The following ADGRG6 variants were observed in gnomAD, a reference collection of about 807,000 sequenced individuals.
ADGRG6 encodes the protein adhesion G protein-coupled receptor G6, also known as G-protein coupled receptor 126.
Under a neutral mutation model 142.4 loss-of-function variants are expected in ADGRG6, and 84 were observed. The observed-to-expected ratio is 0.59, with a 90% CI of 0.49 to 0.71. ADGRG6 has a LOEUF of 0.71. ADGRG6 is among the 30% of genes least tolerant of loss of function. ADGRG6 has a pLI of 0.00. For missense variants in ADGRG6, 1,367 were observed against 1,466.6 expected (o/e 0.93, Z 1.11); for synonymous variants, 521 against 520.5 (o/e 1.00, Z -0.01).
chr6:142,340,111 A>G (rs74954184), intron 2 of ADGRG6, among the ~76,000 whole-genome samples: 1,799 of 152,238 alleles, frequency 0.012, 39 homozygotes, highest in African/African-American at 0.04. Flanking sequence ...GCACAGTAGA[A>G]ACCAGGCTCT....
At chr6:142,409,982 C>A in intron 17 of ADGRG6, 63 bp downstream of exon 17, 2 of 699,414 alleles carry the variant, frequency 2.9e-6, no homozygotes, top group South Asian at 2.0e-5. Context: ...CATTGTTAGA[C>A]ACCCCCATTT....
At chr6:142,332,885 G>C (rs1779127443) in intron 2 of ADGRG6, among the ~76,000 whole-genome samples, 1 of 152,180 alleles carries the variant, frequency 6.6e-6, no homozygotes, top group South Asian at 2.1e-4. Context: ...GCTTCTGTCA[G>C]ACGCCTGGAA....
chr6:142,309,978 A>C (rs931408651), intron 2 of ADGRG6, among the ~76,000 whole-genome samples: 9 of 151,896 alleles, frequency 5.9e-5, no homozygotes, highest in Admixed American at 2.0e-4. Context: ...CTACTGTTGA[A>C]TAAATATACA....
chr6:142,390,232 G>T (rs367683598), intron 6 of ADGRG6, 26 bp from the exon 7 acceptor site: 51 of 1,141,866 alleles, frequency 4.5e-5, no homozygotes, highest in Non-Finnish European at 6.1e-5. Context: ...TATAATTAAT[G>T]GACTAATCCT....
intron 4 of ADGRG6, among the ~76,000 whole-genome samples, chr6:142,377,931 CCA>C (rs1453117389): frequency 5.3e-5 from 8 of 151,960 alleles, no homozygotes; most frequent in Non-Finnish European, 7.4e-5. Context: ...TAAAAATATT[CCA>C]GTGTGATTTT....
chr6:142,370,586 A>G lies in ADGRG6; in HGVS notation c.862A>G (p.Asn288Asp), dbSNP rs567514249. The change falls in exon 4 of 25, where the codon AAT (asparagine) becomes GAT (aspartate). Residue 288 changes from asparagine to aspartate, a missense_variant. Physicochemically the swap from Asn to Asp is conservative, Grantham distance 23. Around this residue, in one of 3 missense-constraint regions of ADGRG6, gnomAD observed 737 missense variants for 746.5 expected, o/e 0.99. Transcript: ENST00000367609. ...DSTISKVIPG[N>D]GKLLLGSNQN... ...TACCATTAGTAAAGTTATTCCTGGGAATGGGAAATTGTTGTTGGGCTCCAA... is the reference window on the plus strand; with the variant it reads ...TACCATTAGTAAAGTTATTCCTGGGGATGGGAAATTGTTGTTGGGCTCCAA... 3.1e-6 allele frequency: 5 copies of G among 1,612,264 alleles called. 1 individual carries two copies. The East Asian group carries it at 8.9e-5, about 29-fold the overall frequency.
intron 8 of ADGRG6, among the ~76,000 whole-genome samples, chr6:142,393,612 T>C (rs1775020499): frequency 6.6e-6 from 1 of 152,140 alleles, no homozygotes; most frequent in African/African-American, 2.4e-5. Context: ...GGTGTCAAAT[T>C]GTCATATAAG....
intron 2 of ADGRG6, 102 bp from the exon 3 acceptor site, chr6:142,367,467 A>G: frequency 1.4e-6 from 1 of 708,260 alleles, no homozygotes; most frequent in Admixed American, 2.9e-5. Context: ...TGGTATTTTT[A>G]AATATTTACT....
intron 1 of ADGRG6, among the ~76,000 whole-genome samples, chr6:142,303,795 A>C (rs2114474114): frequency 6.6e-6 from 1 of 152,320 alleles, no homozygotes; most frequent in Non-Finnish European, 1.5e-5. Context: ...TGAAAGTATA[A>C]ATACCTGTTT....
intron 6 of ADGRG6, 132 bp downstream of exon 6, chr6:142,383,975 A>G (rs2114939334): frequency 1.7e-6 from 1 of 595,404 alleles, no homozygotes; most frequent in East Asian, 2.8e-5. Flanking sequence ...GGTTTACAAG[A>G]TTAGTAAAAT....
At chr6:142,308,933 T>C (rs1041922564) in intron 1 of ADGRG6, among the ~76,000 whole-genome samples, 9 of 151,908 alleles carry the variant, frequency 5.9e-5, no homozygotes, top group Admixed American at 5.9e-4. Flanking sequence ...CTAATGTCAT[T>C]TACTACTTTC....
chr6:142,320,038 TA>T (rs1257617812), intron 2 of ADGRG6, among the ~76,000 whole-genome samples: 1 of 151,776 alleles, frequency 6.6e-6, no homozygotes, highest in African/African-American at 2.4e-5. Flanking sequence ...CACGTGGAGG[TA>T]AAAAAAATTA....
Position 142,402,814 on chromosome 6 carries a change from C to A in ADGRG6, c.1939C>A (p.Leu647Ile). ...NILSSSDSDL[L>I]ESSSEALKTI... ...CTTAAGCAGTTCAGACAGTGACTTG[C>A]TTGAGTCATCTTCTGAGTAAGTATT... is the stretch of plus-strand genomic sequence containing the variant. The change falls in exon 13 of 25, where the codon CTT becomes ATT. Residue 647 changes from leucine to isoleucine, a missense_variant. This residue lies in a region of ADGRG6 where 286 missense variants were observed against 371.4 expected (regional missense o/e 0.77). Coordinates refer to ENST00000367609, the MANE Select transcript of ADGRG6 (RefSeq NM_198569.3). 1.3e-6 allele frequency: 2 copies of A among 1,564,398 alleles called. No individual in the cohort carries two copies. Among genetic ancestry groups the A allele is most frequent in the Non-Finnish European group, 8.7e-7 (1 of 1,147,648 alleles).
intron 22 of ADGRG6, among the ~76,000 whole-genome samples, chr6:142,431,156 G>A (rs1014142041): frequency 6.6e-6 from 1 of 151,968 alleles, no homozygotes; most frequent in African/African-American, 2.4e-5. Context: ...TGAAATGAAG[G>A]CAGGACTAAG....
chr6:142,367,027 A>G (rs977949036), intron 2 of ADGRG6, among the ~76,000 whole-genome samples: 1 of 152,202 alleles, frequency 6.6e-6, no homozygotes, highest in Admixed American at 6.5e-5. Context: ...AGTCTGCCAG[A>G]AGATAGCTCA....
intron 2 of ADGRG6, among the ~76,000 whole-genome samples, chr6:142,328,548 T>A (rs1778892829): frequency 6.6e-6 from 1 of 152,058 alleles, no homozygotes; most frequent in Non-Finnish European, 1.5e-5. Context: ...TAGCCAGGAG[T>A]CAGGTTGTGT....
At chr6:142,305,404 TG>T (rs969876567) in intron 1 of ADGRG6, among the ~76,000 whole-genome samples, 1 of 127,432 alleles carries the variant, frequency 7.8e-6, no homozygotes, top group Admixed American at 8.2e-5. Flanking sequence ...CCTCCTTTCC[TG>T]CCCCCCCCCA....
rs1027641602 is a variant in ADGRG6 at position 142,379,930 on chromosome 6, A to T, written c.1070-2021A>T. ...CATGTGCCCAAGATGGTCAGGGTACAGCTTGCTTTTATATGTTTTAGGGAC... is the reference window on the plus strand; with the variant it reads ...CATGTGCCCAAGATGGTCAGGGTACTGCTTGCTTTTATATGTTTTAGGGAC... On this transcript the variant is annotated intron_variant, in intron 4 of 24. Transcript: ENST00000367609. 7.2e-5 allele frequency among the ~76,000 whole-genome samples: 11 copies of T among 152,320 alleles called. No homozygotes were observed. The East Asian group carries it at 1.9e-3, about 27-fold the overall frequency.
chr6:142,386,417 T>G (rs1782024915), intron 6 of ADGRG6, among the ~76,000 whole-genome samples: 1 of 152,202 alleles, frequency 6.6e-6, no homozygotes, highest in Admixed American at 6.5e-5. Context: ...TTGCAGTTAA[T>G]ATGAGCTGTA....
Sources: allele counts gnomAD v4.1 joint callset (sites outside exome capture counted in the v4.1 genomes callset), GRCh38; gene constraint gnomAD v4.1.1; regional missense constraint gnomAD v4.1.1; transcripts MANE v1.5; gene names NCBI Gene and HGNC (gene_info 2026-07-23, HGNC 2026-07-21).